Variants in TACC1 observed in about 807,000 individuals in gnomAD.
TACC1 encodes the protein transforming acidic coiled-coil-containing protein 1.
Under a neutral mutation model 84.4 loss-of-function variants are expected in TACC1, and 48 were observed. That is an observed-to-expected ratio of 0.57 (90% confidence interval 0.45 to 0.72). The LOEUF (loss-of-function observed/expected upper bound fraction) is 0.72. Among genes scored for constraint, TACC1 ranks in the 30% least tolerant of loss-of-function variants. The pLI, the probability that TACC1 is intolerant of heterozygous loss-of-function variation, is 0.00. For synonymous variants in TACC1, 372 were observed against 376.3 expected (o/e 0.99, Z 0.13); for missense variants, 920 against 973.0 (o/e 0.95, Z 0.72).
At position 38,819,892 on chromosome 8, in the gene TACC1, C is replaced by CA; in HGVS notation, c.650dup (p.Asn217LysfsTer53). 1 of 1,614,082 alleles carries CA rather than the reference C, an allele frequency of 6.2e-7. No individual in the cohort carries two copies. Reference sequence around the variant, plus strand: ...CCGCAGAAGCTGATCTAAAAGCTGGCAACTCCTGTCCAGAGCTTGTGCCCA... The same window carrying CA: ...CCGCAGAAGCTGATCTAAAAGCTGGCAAACTCCTGTCCAGAGCTTGTGCCCA... On this transcript the variant is annotated frameshift_variant, in exon 3 of 13. Coordinates refer to ENST00000317827, the MANE Select transcript of TACC1 (RefSeq NM_006283.3). LOFTEE classifies it high-confidence loss of function.
At chr8:38,752,545 C>T (rs185592292) in intron 3 of TACC1, among the ~76,000 whole-genome samples, 4 of 152,182 alleles carry the variant, frequency 2.6e-5, no homozygotes, top group East Asian at 1.9e-4. Context: ...CCTTCTTGAC[C>T]GAATTGTTAT....
intron 3 of TACC1, among the ~76,000 whole-genome samples, chr8:38,776,649 G>A (rs1814851788): frequency 6.6e-6 from 1 of 152,122 alleles, no homozygotes; most frequent in Non-Finnish European, 1.5e-5. Context: ...GACTGTGACT[G>A]GCCACATGAA....
intron 3 of TACC1, among the ~76,000 whole-genome samples, chr8:38,781,280 T>A (rs907318582): frequency 5.9e-5 from 9 of 152,210 alleles, no homozygotes; most frequent in African/African-American, 2.2e-4. Flanking sequence ...ATATGATTAA[T>A]GTTCTACTAA....
upstream of TACC1, chr8:38,785,817 T>G (rs1450311382): frequency 1.6e-6 from 1 of 642,252 alleles, no homozygotes; most frequent in Non-Finnish European, 1.9e-6. Context: ...GTTCACTTCT[T>G]TATAGTCGCT....
At position 38,828,741 on chromosome 8, in the gene TACC1, G is replaced by C. The variant is rs745538038; in HGVS notation, c.1660+1366G>C. 5.9e-5 allele frequency among the ~76,000 whole-genome samples: 9 copies of C among 152,310 alleles called. 1 individual carries two copies. Among genetic ancestry groups the C allele is most frequent in the Admixed American group, 2.6e-4 (4 of 15,300 alleles). On this transcript the variant is annotated intron_variant, in intron 5 of 12. Transcript: ENST00000317827. ...AGGAGAGGGGCCGAGAGACCTCCCT[G>C]CTTCTGCTGTGTCCTCAAATGCGAA...
chr8:38,819,218 TA>T (rs763333781), intron 2 of TACC1, among the ~76,000 whole-genome samples: 1 of 152,246 alleles, frequency 6.6e-6, no homozygotes, highest in Non-Finnish European at 1.5e-5. Flanking sequence ...TAACATCACA[TA>T]ATAATACATT....
At chr8:38,830,728 G>T (rs947184736) in intron 5 of TACC1, among the ~76,000 whole-genome samples, 24 of 152,172 alleles carry the variant, frequency 1.6e-4, no homozygotes, top group Non-Finnish European at 5.9e-5. Context: ...TTAGATCAAG[G>T]CCACCCTTCT....
intron 3 of TACC1, among the ~76,000 whole-genome samples, chr8:38,756,579 C>A (rs989027254): frequency 2.0e-5 from 3 of 152,110 alleles, no homozygotes; most frequent in East Asian, 3.9e-4. Flanking sequence ...TTTTTCCTTG[C>A]GACAGAGTTT....
At chr8:38,757,826 G>A (rs990308452) in intron 3 of TACC1, among the ~76,000 whole-genome samples, 5 of 152,220 alleles carry the variant, frequency 3.3e-5, no homozygotes, top group Non-Finnish European at 7.3e-5. Flanking sequence ...GGCCCTCGGG[G>A]TCCAGGAATT....
chr8:38,804,949 A>G (rs1204591258), intron 2 of TACC1, among the ~76,000 whole-genome samples: 1 of 152,188 alleles, frequency 6.6e-6, no homozygotes, highest in Non-Finnish European at 1.5e-5. Flanking sequence ...TGCCCTTGTT[A>G]CCAAAGGAAT....
intron 2 of TACC1, among the ~76,000 whole-genome samples, chr8:38,807,805 T>C (rs942453157): frequency 6.6e-6 from 1 of 152,234 alleles, no homozygotes; most frequent in African/African-American, 2.4e-5. Flanking sequence ...ACTAGAATAT[T>C]AAGCTGTTTC....
chr8:38,841,059 A>G (rs1245685827), intron 9 of TACC1, among the ~76,000 whole-genome samples: 1 of 152,122 alleles, frequency 6.6e-6, no homozygotes. Context: ...AAAAATAAAT[A>G]AGTAAATAAA....
At chr8:38,772,339 A>C (rs1382326604) in intron 3 of TACC1, among the ~76,000 whole-genome samples, 1 of 152,276 alleles carries the variant, frequency 6.6e-6, no homozygotes, top group African/African-American at 2.4e-5. Context: ...TGACACTACA[A>C]TCTCACTTCT....
Position 38,848,874 on chromosome 8 carries a change from G to C in TACC1, c.*851G>C, listed in dbSNP as rs1832741459. On this transcript the variant is annotated 3_prime_UTR_variant, in exon 13 of 13. Transcript: ENST00000317827. The stretch of plus-strand genomic sequence containing the variant: ...AACGGCAATATGGGACTCCCTCCAA[G>C]CTAGGGTTTGGCAAGTCTGCCCTAG... 6.6e-6 allele frequency: 1 copy of C among 152,132 alleles called. No individual in the cohort carries two copies. The highest frequency in any genetic ancestry group is 1.5e-5 in the Non-Finnish European group (1 of 68,046). The allele number at this position is 152,132 out of a possible 1,614,324, so 9.4% of individuals were successfully genotyped here.
intron 1 of TACC1, 83 bp downstream of exon 1, chr8:38,787,826 C>T: frequency 7.7e-7 from 1 of 1,295,172 alleles, no homozygotes; most frequent in Non-Finnish European, 1.0e-6. Context: ...TGTGTGTGGT[C>T]GCCACCCGCG....
intron 2 of TACC1, among the ~76,000 whole-genome samples, chr8:38,790,411 C>G (rs554693723): frequency 6.6e-6 from 1 of 152,352 alleles, no homozygotes; most frequent in African/African-American, 2.4e-5. Context: ...CAGCCCACAA[C>G]AGAGAGCTTT....
At chr8:38,757,318 C>A (rs868181128) in intron 3 of TACC1, 12 of 1,267,690 alleles carry the variant, frequency 9.5e-6, no homozygotes, top group Non-Finnish European at 1.2e-5. Flanking sequence ...CAGCCCCGGC[C>A]CCAAGTTCTG....
intron 4 of TACC1, 60 bp downstream of exon 4, chr8:38,825,428 G>C (rs370760503): frequency 6.3e-6 from 10 of 1,584,670 alleles, no homozygotes; most frequent in Non-Finnish European, 7.8e-6. Flanking sequence ...GTGGGAGTTT[G>C]CATCCCCCTG....
intron 3 of TACC1, 57 bp from the exon 4 acceptor site, chr8:38,825,249 ACC>A: frequency 6.3e-7 from 1 of 1,580,288 alleles, no homozygotes; most frequent in Admixed American, 1.7e-5. Context: ...TCCATTTCAT[ACC>A]TTGACAATTG....
Sources: allele counts gnomAD v4.1 joint callset (sites outside exome capture counted in the v4.1 genomes callset), GRCh38; gene constraint gnomAD v4.1.1; transcripts MANE v1.5; gene names NCBI Gene and HGNC (gene_info 2026-07-23, HGNC 2026-07-21).